SCD5: variants seen among roughly 807,000 people sequenced by gnomAD.
The protein encoded by SCD5 is stearoyl-CoA desaturase 5.
SCD5 carries 20 observed loss-of-function variants against 30.4 expected under a neutral mutation model. The observed-to-expected ratio is 0.66, with a 90% CI of 0.46 to 0.96. The LOEUF (loss-of-function observed/expected upper bound fraction) is 0.96. Among genes scored for constraint, SCD5 ranks in the 40% least tolerant of loss-of-function variants. The probability of loss-of-function intolerance (pLI) is 0.00; values close to 1 mark genes in which losing one functional copy is unlikely to be tolerated. For missense variants in SCD5, 381 were observed against 443.3 expected, an observed-to-expected ratio of 0.86 and a Z score of 1.26; for synonymous variants, 173 against 176.4, an observed-to-expected ratio of 0.98 and a Z score of 0.16.
chr4:82,694,310 C>A (rs1325999747), intron 2 of SCD5, among the ~76,000 whole-genome samples: 1 of 152,208 alleles, frequency 6.6e-6, no homozygotes, highest in Non-Finnish European at 1.5e-5. Flanking sequence ...TTCCCACAGG[C>A]ATCATGTTCC....
At chr4:82,788,164 G>A (rs1300793342) in intron 1 of SCD5, among the ~76,000 whole-genome samples, 3 of 152,170 alleles carry the variant, frequency 2.0e-5, no homozygotes, top group African/African-American at 4.8e-5. Flanking sequence ...CTTACCAGAC[G>A]CCAATCTACC....
At chr4:82,689,489 C>T (rs1728785403) in intron 2 of SCD5, among the ~76,000 whole-genome samples, 1 of 152,044 alleles carries the variant, frequency 6.6e-6, no homozygotes, top group South Asian at 2.1e-4. Context: ...GATTATAATC[C>T]ATGTAATCAA....
chr4:82,753,197 C>T, intron 1 of SCD5: 5 of 402,954 alleles, frequency 1.2e-5, no homozygotes, highest in South Asian at 9.1e-5. Context: ...GCATGTCTCA[C>T]CTACTTCATG....
At chr4:82,686,735 G>A (rs1728714874) in intron 2 of SCD5, among the ~76,000 whole-genome samples, 1 of 152,168 alleles carries the variant, frequency 6.6e-6, no homozygotes, top group Non-Finnish European at 1.5e-5. Context: ...AGGTAGGAAT[G>A]AGGAGAAATA....
At chr4:82,747,074 C>CCCCA (rs796695522) in intron 1 of SCD5, among the ~76,000 whole-genome samples, 2 of 149,178 alleles carry the variant, frequency 1.3e-5, no homozygotes, top group East Asian at 3.9e-4. Flanking sequence ...AACCTGCCCC[C>CCCCA]CAAGAAAGAC....
intron 2 of SCD5, among the ~76,000 whole-genome samples, chr4:82,698,615 C>T (rs1046672645): frequency 1.3e-5 from 2 of 152,308 alleles, no homozygotes; most frequent in Admixed American, 1.3e-4. Flanking sequence ...ATGTGGCCCC[C>T]ATCCCCCACT....
intron 3 of SCD5, among the ~76,000 whole-genome samples, chr4:82,655,247 T>C (rs1355766720): frequency 6.6e-6 from 1 of 152,234 alleles, no homozygotes; most frequent in Non-Finnish European, 1.5e-5. Flanking sequence ...GTATCTTCCA[T>C]ACCCCTCATT....
intron 1 of SCD5, among the ~76,000 whole-genome samples, chr4:82,719,776 T>C (rs1371389705): frequency 1.3e-4 from 19 of 150,960 alleles, no homozygotes; most frequent in African/African-American, 3.7e-4. Flanking sequence ...GTGCTGGGAT[T>C]ACAGGCATGA....
At chr4:82,649,603 C>G (rs185614983) in intron 3 of SCD5, among the ~76,000 whole-genome samples, 6 of 152,076 alleles carry the variant, frequency 3.9e-5, no homozygotes, top group Admixed American at 6.5e-5. Flanking sequence ...TAGGAGACTA[C>G]CTTTATCATG....
At chr4:82,639,526 T>C (rs2055663) in intron 3 of SCD5, among the ~76,000 whole-genome samples, 130,530 of 152,290 alleles carry the variant, frequency 0.86, 56,075 homozygotes, top group East Asian at 0.99. Context: ...GGAGGGCAAA[T>C]GCTTGGGCGA....
At chr4:82,755,934 A>C (rs1225789764) in intron 1 of SCD5, among the ~76,000 whole-genome samples, 7 of 152,218 alleles carry the variant, frequency 4.6e-5, no homozygotes, top group Non-Finnish European at 1.0e-4. Flanking sequence ...GAGAAAAATC[A>C]CTTCAGATTA....
intron 1 of SCD5, among the ~76,000 whole-genome samples, chr4:82,713,078 C>T (rs1348694840): frequency 6.6e-6 from 1 of 152,214 alleles, no homozygotes; most frequent in Non-Finnish European, 1.5e-5. Flanking sequence ...AAGCCATCGT[C>T]TACTGTGCCG....
chr4:82,782,033 G>C (rs1450899727), intron 1 of SCD5, among the ~76,000 whole-genome samples: 1 of 151,620 alleles, frequency 6.6e-6, no homozygotes, highest in Non-Finnish European at 1.5e-5. Context: ...CTAGAGCCTG[G>C]CTGTCTTTCC....
chr4:82,690,367 T>C (rs1284410598), intron 2 of SCD5, among the ~76,000 whole-genome samples: 1 of 152,224 alleles, frequency 6.6e-6, no homozygotes, highest in Non-Finnish European at 1.5e-5. Context: ...AGCTCATGAT[T>C]TTCTGCAACT....
intron 1 of SCD5, among the ~76,000 whole-genome samples, chr4:82,737,461 T>G (rs529732256): frequency 1.3e-5 from 2 of 152,324 alleles, no homozygotes; most frequent in South Asian, 4.1e-4. Flanking sequence ...AAAGAAAGTT[T>G]TGCTCAATGG....
At chr4:82,643,795 A>C (rs1011614391) in intron 3 of SCD5, among the ~76,000 whole-genome samples, 25 of 152,248 alleles carry the variant, frequency 1.6e-4, no homozygotes, top group Admixed American at 3.3e-4. Flanking sequence ...GCACAGGGGC[A>C]GAAATCATTT....
chr4:82,664,999 C>CTCTATATATATATATATA (rs1219554314), intron 3 of SCD5, among the ~76,000 whole-genome samples: 1 of 70,486 alleles, frequency 1.4e-5, no homozygotes, highest in African/African-American at 7.5e-5. Flanking sequence ...CTCTCTCTCT[C>CTCTATATATATATATATA]TATATATATA....
At chr4:82,677,588 G>A (rs1728464059) in intron 3 of SCD5, among the ~76,000 whole-genome samples, 1 of 152,202 alleles carries the variant, frequency 6.6e-6, no homozygotes, top group South Asian at 2.1e-4. Flanking sequence ...GACTGCCTCT[G>A]TGTATGTTGG....
intron 1 of SCD5, among the ~76,000 whole-genome samples, chr4:82,733,230 T>C (rs1195661986): frequency 6.6e-6 from 1 of 152,122 alleles, no homozygotes; most frequent in East Asian, 1.9e-4. Context: ...ACCACCAGCA[T>C]GCACTCCCAC....
Sources: gnomAD v4.1 joint callset for allele counts (sites outside exome capture counted in the v4.1 genomes callset) on GRCh38, gnomAD v4.1.1 for gene constraint, MANE v1.5 for transcripts, NCBI Gene and HGNC (gene_info 2026-07-23, HGNC 2026-07-21) for gene names.